Variants in VPS50 observed in about 807,000 individuals in gnomAD.
VPS50 encodes syndetin.
Under a neutral mutation model 139.7 loss-of-function variants are expected in VPS50, and 70 were observed. That is an observed-to-expected ratio of 0.50 (90% confidence interval 0.41 to 0.61). The LOEUF is 0.61. VPS50 is among the 20% of genes least tolerant of loss of function. The pLI, the probability that VPS50 is intolerant of heterozygous loss-of-function variation, is 0.00. For missense variants in VPS50, 921 were observed against 1,133.7 expected, an observed-to-expected ratio of 0.81 and a Z score of 2.69; for synonymous variants, 365 against 376.7, an observed-to-expected ratio of 0.97 and a Z score of 0.36.
chr7:93,296,666 C>A (rs1019818722), intron 14 of VPS50, 76 bp from the exon 15 acceptor site: 3 of 1,538,724 alleles, frequency 1.9e-6, no homozygotes, highest in Non-Finnish European at 2.6e-6. Context: ...TAATCTGGAA[C>A]TATAGAGTAA....
At chr7:93,319,468 CT>C (rs368396755) in intron 20 of VPS50, among the ~76,000 whole-genome samples, 17 of 149,932 alleles carry the variant, frequency 1.1e-4, no homozygotes, top group East Asian at 3.9e-4. Context: ...CTGAAAATGT[CT>C]TTTTTTTTTC....
intron 16 of VPS50, among the ~76,000 whole-genome samples, chr7:93,299,391 TC>T: frequency 6.6e-6 from 1 of 152,204 alleles, no homozygotes; most frequent in Non-Finnish European, 1.5e-5. Flanking sequence ...TGCCAGTCAT[TC>T]TACATAAATA....
intron 21 of VPS50, among the ~76,000 whole-genome samples, chr7:93,332,361 C>T (rs952339773): frequency 3.3e-5 from 5 of 152,164 alleles, no homozygotes; most frequent in African/African-American, 1.2e-4. Context: ...AGGGACCCAC[C>T]CTCATGACCT....
intron 9 of VPS50, among the ~76,000 whole-genome samples, chr7:93,269,057 G>A (rs537513363): frequency 1.3e-5 from 2 of 152,214 alleles, no homozygotes; most frequent in East Asian, 3.9e-4. Context: ...TGTGAATTGA[G>A]ACAGAGAACA....
At chr7:93,342,616 C>T (rs1033999645) in intron 23 of VPS50, among the ~76,000 whole-genome samples, 18 of 152,326 alleles carry the variant, frequency 1.2e-4, no homozygotes, top group Admixed American at 3.3e-4. Flanking sequence ...TCTCCCAGCA[C>T]GCAGCTGGAG....
At chr7:93,355,740 C>G (rs979236772) in intron 26 of VPS50, 151 bp from the exon 27 acceptor site, 5 of 460,488 alleles carry the variant, frequency 1.1e-5, no homozygotes, top group Non-Finnish European at 2.0e-5. Flanking sequence ...CCCAGTCTTT[C>G]TGACTCAAGG....
intron 13 of VPS50, among the ~76,000 whole-genome samples, chr7:93,293,616 A>G (rs181986550): frequency 8.5e-5 from 13 of 152,298 alleles, no homozygotes. Flanking sequence ...TTTTCATGGA[A>G]CTTCATAAAA....
intron 13 of VPS50, among the ~76,000 whole-genome samples, chr7:93,294,015 C>T (rs573218522): frequency 5.9e-5 from 9 of 152,144 alleles, no homozygotes; most frequent in South Asian, 2.1e-4. Context: ...GTCTTTAGGG[C>T]GGAGATTGGA....
rs1796750127 is a variant in VPS50 at position 93,294,619 on chromosome 7, C to T, written c.1150C>T (p.Leu384Phe). Residue 384 changes from leucine (L) to phenylalanine (F), a missense_variant, in exon 14 of 28, where the codon CTT (leucine) becomes TTT (phenylalanine). Physicochemically the swap from Leu to Phe is conservative, Grantham distance 22 (BLOSUM62 0). This residue lies in a region of VPS50 where 744 missense variants were observed against 930.6 expected (regional missense o/e 0.80). Transcript: ENST00000305866. ...GYIKKKLEHG[L>F]TRIWQDVQLK... ...CATAAAAAAGAAATTAGAACATGGA[C>T]TTACACGAATATGGCAGGTTTGGTT... 5.6e-6 allele frequency: 9 copies of T among 1,594,636 alleles called. No individual in the cohort carries two copies. The highest frequency in any genetic ancestry group is 1.8e-5 in the Admixed American group (1 of 56,914).
At chr7:93,276,720 T>A (rs1306244132) in intron 12 of VPS50, among the ~76,000 whole-genome samples, 1 of 152,222 alleles carries the variant, frequency 6.6e-6, no homozygotes, top group Non-Finnish European at 1.5e-5. Context: ...CTTTTTCTTT[T>A]TAAAGAAACA....
At chr7:93,357,877 T>C (rs74514414) in intron 27 of VPS50, among the ~76,000 whole-genome samples, 2,067 of 152,188 alleles carry the variant, frequency 0.014, 20 homozygotes, top group Middle Eastern at 0.02. Flanking sequence ...GTTGTTCTTC[T>C]GTTGTTGGAG....
At chr7:93,287,755 G>C (rs991781239) in intron 12 of VPS50, among the ~76,000 whole-genome samples, 1 of 152,098 alleles carries the variant, frequency 6.6e-6, no homozygotes. Context: ...TATGATTGCT[G>C]AGTTGCAGCC....
intron 26 of VPS50, 30 bp downstream of exon 26, chr7:93,353,791 T>G: frequency 1.3e-6 from 2 of 1,542,328 alleles, no homozygotes; most frequent in Non-Finnish European, 1.8e-6. Context: ...ATTATTTGTT[T>G]CTTTAATGAC....
chr7:93,320,880 T>A (rs993865255), intron 20 of VPS50: 4 of 152,442 alleles, frequency 2.6e-5, no homozygotes, highest in African/African-American at 7.2e-5. Flanking sequence ...AAGTAGTTAC[T>A]GTCCTAGTGA....
intron 5 of VPS50, 108 bp from the exon 6 acceptor site, chr7:93,257,286 C>A: frequency 1.6e-6 from 1 of 616,398 alleles, no homozygotes; most frequent in Non-Finnish European, 2.8e-6. Context: ...CTTTGTTTTT[C>A]AAGCAGGTTT....
chr7:93,294,509 T>C (rs1479406011), intron 13 of VPS50, 36 bp from the exon 14 acceptor site: 2 of 1,472,562 alleles, frequency 1.4e-6, no homozygotes, highest in Non-Finnish European at 1.8e-6. Flanking sequence ...ACAAATTGGA[T>C]TAAATCTAAA....
intron 21 of VPS50, among the ~76,000 whole-genome samples, chr7:93,327,677 G>A (rs1797821739): frequency 6.6e-6 from 1 of 152,092 alleles, no homozygotes; most frequent in Non-Finnish European, 1.5e-5. Context: ...AGGCACATGC[G>A]GGTGTATAAT....
At position 93,257,608 on chromosome 7, in the gene VPS50, A is replaced by G. The variant is rs17165210; in HGVS notation, c.422+144A>G. On this transcript the variant is annotated intron_variant, in intron 6 of 27. Coordinates refer to ENST00000305866, the MANE Select transcript of VPS50 (RefSeq NM_017667.4). ...CTTAAGTGAACATATATCATGATCT[A>G]AAGACTACACTAAGAGGGTTTGTGG... is the stretch of plus-strand genomic sequence containing the variant. 5,002 of 537,848 alleles carry G rather than the reference A, an allele frequency of 9.3e-3. 248 individuals are homozygous for G. In the Admixed American group the frequency reaches 0.1, roughly 11 times the overall value. The allele number at this position is 537,848 out of a possible 1,614,324, so 33.3% of individuals were successfully genotyped here. A position where few individuals can be genotyped will look rare whatever the true frequency, so the allele number is the denominator to read the frequency against.
intron 9 of VPS50, among the ~76,000 whole-genome samples, chr7:93,262,673 G>A (rs1795721171): frequency 6.6e-6 from 1 of 152,156 alleles, no homozygotes; most frequent in Non-Finnish European, 1.5e-5. Flanking sequence ...TTTTTAACTT[G>A]GTGATTTAGT....
Sources: allele counts gnomAD v4.1 joint callset (sites outside exome capture counted in the v4.1 genomes callset), GRCh38; gene constraint gnomAD v4.1.1; regional missense constraint gnomAD v4.1.1; transcripts MANE v1.5; gene names NCBI Gene and HGNC (gene_info 2026-07-23, HGNC 2026-07-21).